The following NAT1 variants were observed in gnomAD, a reference collection of about 807,000 sequenced individuals.
NAT1 encodes arylamine N-acetyltransferase 1.
For synonymous variants in NAT1, 144 were observed against 122.6 expected, an observed-to-expected ratio of 1.17 and a Z score of -1.16; for missense variants, 400 against 339.2, an observed-to-expected ratio of 1.18 and a Z score of -1.41.
At chr8:18,189,476 TA>T (rs1440043044) in intron 2 of NAT1, among the ~76,000 whole-genome samples, 1 of 152,120 alleles carries the variant, frequency 6.6e-6, no homozygotes, top group Non-Finnish European at 1.5e-5. Context: ...AATAATATAA[TA>T]AAAACGGTCA....
chr8:18,209,706 G>T (rs28359478), upstream of NAT1: 2,073 of 152,272 alleles, frequency 0.014, 35 homozygotes, highest in South Asian at 0.041. Context: ...AGTCTAATGG[G>T]AACTGATGAA....
chr8:18,194,945 T>C (rs914256990), intron 2 of NAT1, among the ~76,000 whole-genome samples: 2 of 152,178 alleles, frequency 1.3e-5, no homozygotes, highest in South Asian at 2.1e-4. Flanking sequence ...TTCTGTTAGA[T>C]GGATACCTGC....
rs1805471621 is a variant in NAT1, at chr8:18,222,753, G to A, written c.706G>A (p.Gly236Ser). The change falls in exon 3 of 3, where the codon GGC becomes AGC. Residue 236 changes from glycine to serine, a missense_variant. Physicochemically the swap from Gly to Ser is moderately conservative, Grantham distance 56. Transcript: ENST00000307719. ...CCCAGATGGGGTTCACTGTTTGGTGGGCTTCACCCTCACCCATAGGAGATT... is the reference window on the plus strand; with the variant it reads ...CCCAGATGGGGTTCACTGTTTGGTGAGCTTCACCCTCACCCATAGGAGATT... ...QTPDGVHCLV[G>S]FTLTHRRFNY... 6.2e-7 allele frequency: 1 copy of A among 1,613,602 alleles called. No homozygotes were observed. The highest frequency in any genetic ancestry group is 1.7e-5 in the Admixed American group (1 of 59,922).
chr8:18,205,512 T>C (rs1016831368), upstream of NAT1, among the ~76,000 whole-genome samples: 2 of 152,150 alleles, frequency 1.3e-5, no homozygotes, highest in African/African-American at 4.8e-5. Context: ...GGGGCAGGGC[T>C]GGCTGGCTCT....
intron 2 of NAT1, chr8:18,201,147 A>G (rs1023902016): frequency 6.6e-6 from 1 of 152,208 alleles, no homozygotes; most frequent in African/African-American, 2.4e-5. Context: ...TCGGTAAATT[A>G]TTATTCCTGC....
chr8:18,198,082 T>C (rs1053928524), intron 2 of NAT1, among the ~76,000 whole-genome samples: 1 of 152,160 alleles, frequency 6.6e-6, no homozygotes, highest in African/African-American at 2.4e-5. Flanking sequence ...CCATGCCTTA[T>C]AGAACTTCTA....
chr8:18,174,203 T>A (rs1202700938), intron 2 of NAT1, among the ~76,000 whole-genome samples: 1 of 152,158 alleles, frequency 6.6e-6, no homozygotes, highest in Non-Finnish European at 1.5e-5. Context: ...TGAATGTCTG[T>A]TTCCCAGGGT....
At chr8:18,199,183 G>A (rs117596607) in intron 2 of NAT1, among the ~76,000 whole-genome samples, 2,042 of 151,632 alleles carry the variant, frequency 0.013, 20 homozygotes, top group Middle Eastern at 0.078. Context: ...GTGTGGTGGC[G>A]CACATCTATA....
rs1368057657 is a variant in NAT1, at chr8:18,210,158, T to C, written c.-108T>C. On this transcript the variant is annotated 5_prime_UTR_variant, in exon 1 of 3. Transcript: ENST00000307719. Reference sequence around the variant, plus strand: ...GGAGGATTGCATTCAGTCTAGTTCCTGGTTGCCGGCTGAAATAACCTGGTA... The same window carrying C: ...GGAGGATTGCATTCAGTCTAGTTCCCGGTTGCCGGCTGAAATAACCTGGTA... 1.3e-5 allele frequency: 2 copies of C among 152,266 alleles called. No homozygotes were observed. Among genetic ancestry groups the C allele is most frequent in the Non-Finnish European group, 2.9e-5 (2 of 68,096 alleles). 9.4% of individuals were successfully genotyped at this position (152,266 alleles called of 1,614,324 possible).
chr8:18,221,172 T>A (rs1003331222), intron 2 of NAT1, among the ~76,000 whole-genome samples: 1 of 152,168 alleles, frequency 6.6e-6, no homozygotes, highest in Non-Finnish European at 1.5e-5. Context: ...CCTGAATGTT[T>A]TTTGAACGCT....
rs141260896 is a variant in NAT1, at chr8:18,210,691, C to G, written c.-86+511C>G. On this transcript the variant is annotated intron_variant, in intron 1 of 2. Transcript: ENST00000307719. ...CGTAATAATTCCTGCTCCTCTTGCA[C>G]TAGCTGATAAAAAGCCCCTAATGAT... Among the ~76,000 whole-genome samples, 104 of 152,320 alleles carry G rather than the reference C, an allele frequency of 6.8e-4. No homozygotes were observed. In the East Asian group the frequency reaches 0.019, roughly 27 times the overall value.
chr8:18,214,962 G>C (rs1804481906), intron 1 of NAT1, among the ~76,000 whole-genome samples: 1 of 152,176 alleles, frequency 6.6e-6, no homozygotes, highest in African/African-American at 2.4e-5. Context: ...TCCTATGTTA[G>C]TTTGCTAAGG....
At chr8:18,178,152 C>T (rs999421476) in intron 2 of NAT1, among the ~76,000 whole-genome samples, 7 of 152,040 alleles carry the variant, frequency 4.6e-5, no homozygotes, top group Admixed American at 6.6e-5. Context: ...AATAACACCA[C>T]TAGAGGCAAA....
intron 2 of NAT1, among the ~76,000 whole-genome samples, chr8:18,195,882 C>T (rs1803208968): frequency 6.6e-6 from 1 of 151,464 alleles, no homozygotes; most frequent in Non-Finnish European, 1.5e-5. Flanking sequence ...TACACACACA[C>T]ACATAAATAC....
intron 1 of NAT1, chr8:18,216,820 G>A (rs1235362359): frequency 2.9e-6 from 3 of 1,026,850 alleles, no homozygotes; most frequent in African/African-American, 3.2e-5. Flanking sequence ...TCAATAGGAT[G>A]TGGCACAAAA....
intron 2 of NAT1, among the ~76,000 whole-genome samples, chr8:18,194,327 T>C (rs929887191): frequency 7.9e-5 from 12 of 152,198 alleles, no homozygotes; most frequent in Admixed American, 1.3e-4. Flanking sequence ...GCCTCAGTGA[T>C]TTAAATCTTT....
At chr8:18,208,433 A>T (rs1803824997), upstream of NAT1, among the ~76,000 whole-genome samples, 1 of 152,262 alleles carries the variant, frequency 6.6e-6, no homozygotes, top group African/African-American at 2.4e-5. Context: ...GTAGCAGGAT[A>T]CAGAATCAAC....
chr8:18,174,914 T>G (rs946253010), intron 2 of NAT1, among the ~76,000 whole-genome samples: 1 of 152,034 alleles, frequency 6.6e-6, no homozygotes, highest in South Asian at 2.1e-4. Context: ...CCTCAAAGGG[T>G]TTACGGTCTC....
chr8:18,180,435 T>G (rs1802469733), intron 2 of NAT1, among the ~76,000 whole-genome samples: 4 of 152,132 alleles, frequency 2.6e-5, no homozygotes, highest in Admixed American at 2.6e-4. Context: ...AACAAAGATC[T>G]ATTGAGCACC....
Sources: allele counts gnomAD v4.1 joint callset (sites outside exome capture counted in the v4.1 genomes callset), GRCh38; gene constraint gnomAD v4.1.1; transcripts MANE v1.5; gene names NCBI Gene and HGNC (gene_info 2026-07-23, HGNC 2026-07-21).